The following ZNF599 variants were observed in gnomAD, a reference collection of about 807,000 sequenced individuals.
ZNF599 encodes the protein zinc finger protein 599.
ZNF599 carries 10 observed loss-of-function variants against 11.7 expected under a neutral mutation model. That is an observed-to-expected ratio of 0.86 (90% CI 0.53 to 1.45). ZNF599 has a LOEUF of 1.45. ZNF599 is among the 40% of genes most tolerant of loss of function. The pLI, the probability that ZNF599 is intolerant of heterozygous loss-of-function variation, is 0.00. For missense variants in ZNF599, 688 were observed against 713.6 expected, an observed-to-expected ratio of 0.96 and a Z score of 0.41; for synonymous variants, 232 against 253.2, an observed-to-expected ratio of 0.92 and a Z score of 0.79.
rs143329614 is a variant in ZNF599 at position 34,759,418 on chromosome 19, T to G, written c.1383A>C (p.Thr461=). ...YECSECGKAF[T]HHSVFIRHNR... ...TATGTCGAATAAAAACAGAGTGGTG[T>G]GTAAAAGCCTTTCCACATTCACTGC... The change falls in exon 4 of 4, where the codon ACA becomes ACC. Residue 461 remains threonine, a synonymous_variant. Coordinates refer to ENST00000329285, the MANE Select transcript of ZNF599 (RefSeq NM_001007248.3). 5.5e-4 allele frequency: 888 copies of G among 1,614,080 alleles called. 1 individual carries two copies. Among genetic ancestry groups the G allele is most frequent in the Admixed American group, 7.8e-4 (47 of 60,016 alleles).
rs1278024798 is a variant in ZNF599 at position 34,767,219 on chromosome 19, G to A, written c.241+97C>T. On this transcript the variant is annotated intron_variant, in intron 3 of 3. Coordinates refer to ENST00000329285, the MANE Select transcript of ZNF599 (RefSeq NM_001007248.3). Reference sequence around the variant, plus strand: ...GGTCAAGGGCTCCATGACTGCTCAAGACCACAAAATAGCTGCCCATGGCAT... The same window carrying A: ...GGTCAAGGGCTCCATGACTGCTCAAAACCACAAAATAGCTGCCCATGGCAT... 1.7e-5 allele frequency: 16 copies of A among 917,410 alleles called. No homozygotes were observed. In the East Asian group the frequency reaches 4.1e-4, roughly 23 times the overall value. The allele number at this position is 917,410 out of a possible 1,614,324, so 56.8% of individuals were successfully genotyped here. A position where few individuals can be genotyped will look rare whatever the true frequency, so the allele number is the denominator to read the frequency against.
At chr19:34,769,589 G>A (rs979325615) in intron 1 of ZNF599, 34 bp from the exon 2 acceptor site, 1 of 1,600,406 alleles carries the variant, frequency 6.2e-7, no homozygotes, top group Non-Finnish European at 8.5e-7. Context: ...AGGTGGCTGT[G>A]GAGCTATTAG....
At chr19:34,802,463 T>A in the ZNF599 span, among the ~76,000 whole-genome samples, 1 of 152,172 alleles carries the variant, frequency 6.6e-6, no homozygotes, top group African/African-American at 2.4e-5. Flanking sequence ...AAAGAGTGGC[T>A]CACGTTCAGA....
intron 3 of ZNF599, among the ~76,000 whole-genome samples, chr19:34,761,970 A>G (rs2069116230): frequency 6.6e-6 from 1 of 152,222 alleles, no homozygotes; most frequent in African/African-American, 2.4e-5. Flanking sequence ...ACATAACATT[A>G]GTATCAGATA....
chr19:34,801,392 T>G, the ZNF599 span, among the ~76,000 whole-genome samples: 2 of 152,260 alleles, frequency 1.3e-5, no homozygotes, highest in Non-Finnish European at 2.9e-5. Flanking sequence ...GAATTTCCCA[T>G]GTTCCCTGCA....
intron 1 of ZNF599, chr19:34,772,553 A>G (rs1031391686): frequency 7.4e-7 from 1 of 1,344,134 alleles, no homozygotes; most frequent in African/African-American, 1.5e-5. Context: ...CGCATTTTAG[A>G]CCCGAGGGAA....
the ZNF599 span, among the ~76,000 whole-genome samples, chr19:34,785,494 G>A: frequency 6.6e-6 from 1 of 152,162 alleles, no homozygotes; most frequent in African/African-American, 2.4e-5. Flanking sequence ...CCTCACTCAG[G>A]CATTCCAGGG....
In ZNF599 at chr19:34,769,531, C is replaced by A. The variant is rs148823885; in HGVS notation, c.43G>T (p.Val15Phe). The A allele has an allele frequency of 1.2e-4, 194 of 1,613,978 alleles. No individual in the cohort carries two copies. Among genetic ancestry groups the A allele is most frequent in the Non-Finnish European group, 1.5e-4 (177 of 1,179,964 alleles). ...CATTCCTCTCCAGTGAAGGTCACAA[C>A]CACGTCTTCAAATGATACTAATGCC... is the stretch of plus-strand genomic sequence containing the variant. ...ALALVSFEDV[V>F]VTFTGEEWGH... The change falls in exon 2 of 4, where the codon GTT becomes TTT. Residue 15 changes from valine (V) to phenylalanine (F), a missense_variant. Coordinates refer to ENST00000329285, the MANE Select transcript of ZNF599 (RefSeq NM_001007248.3).
At chr19:34,774,405 C>G (rs2064640829), upstream of ZNF599, among the ~76,000 whole-genome samples, 1 of 152,194 alleles carries the variant, frequency 6.6e-6, no homozygotes, top group South Asian at 2.1e-4. Context: ...TTCAGCCCAC[C>G]ACCCAAACCT....
intron 3 of ZNF599, among the ~76,000 whole-genome samples, chr19:34,762,193 T>C (rs1056123044): frequency 3.9e-5 from 6 of 152,232 alleles, no homozygotes; most frequent in African/African-American, 9.6e-5. Context: ...TATTATGCAC[T>C]GATATTTCAC....
upstream of ZNF599, among the ~76,000 whole-genome samples, chr19:34,777,429 ATAATATATGATATAT>A (rs2069225037): frequency 1.0e-5 from 1 of 96,372 alleles, no homozygotes; most frequent in Non-Finnish European, 1.9e-5. Flanking sequence ...TAATTAATAT[ATAATATATGATATAT>A]ATTAATTAAT....
intron 3 of ZNF599, among the ~76,000 whole-genome samples, chr19:34,766,339 G>C (rs1228736062): frequency 6.6e-6 from 1 of 152,136 alleles, no homozygotes; most frequent in Non-Finnish European, 1.5e-5. Flanking sequence ...ACAGGGCTAG[G>C]GAGTGCTTCT....
the ZNF599 span, among the ~76,000 whole-genome samples, chr19:34,796,041 G>A: frequency 1.3e-5 from 2 of 151,690 alleles, no homozygotes; most frequent in African/African-American, 2.4e-5. Flanking sequence ...GGCTGGTCTC[G>A]AACTCCCGAC....
chr19:34,787,709 A>G, the ZNF599 span, among the ~76,000 whole-genome samples: 1 of 152,224 alleles, frequency 6.6e-6, no homozygotes. Context: ...ATGTTTACTG[A>G]CAGAATTATC....
the ZNF599 span, among the ~76,000 whole-genome samples, chr19:34,805,345 G>A: frequency 1.3e-5 from 2 of 151,864 alleles, no homozygotes; most frequent in African/African-American, 4.8e-5. Flanking sequence ...CTACAGGCAC[G>A]TGCCACCACG....
rs889640246 is a variant in ZNF599, at chr19:34,773,159, T to C, written c.-318A>G. ...GGCCCCTGTCTGGCGTTCTACCCAG[T>C]GTAGCGTTGGCAACCACAGCAGCCG... On this transcript the variant is annotated 5_prime_UTR_variant, in exon 1 of 4. Coordinates refer to ENST00000329285, the MANE Select transcript of ZNF599 (RefSeq NM_001007248.3). 5.6e-6 allele frequency: 2 copies of C among 356,460 alleles called. No homozygotes were observed. The highest frequency in any genetic ancestry group is 1.0e-5 in the Non-Finnish European group (2 of 198,532). The allele number at this position is 356,460 out of a possible 1,614,324, so 22.1% of individuals were successfully genotyped here. A position where few individuals can be genotyped will look rare whatever the true frequency, so the allele number is the denominator to read the frequency against.
At chr19:34,770,849 C>T (rs776010105) in intron 1 of ZNF599, among the ~76,000 whole-genome samples, 7 of 152,144 alleles carry the variant, frequency 4.6e-5, no homozygotes, top group Non-Finnish European at 8.8e-5. Flanking sequence ...TTCCCTTTGC[C>T]GGGAAGGTTC....
the ZNF599 span, among the ~76,000 whole-genome samples, chr19:34,781,241 A>G: frequency 4.8e-4 from 73 of 152,008 alleles, no homozygotes; most frequent in Non-Finnish European, 8.8e-4. Flanking sequence ...AAATAAAGAG[A>G]AAGAAAGAAA....
At chr19:34,806,391 G>A in the ZNF599 span, among the ~76,000 whole-genome samples, 2 of 109,188 alleles carry the variant, frequency 1.8e-5, no homozygotes, top group African/African-American at 3.3e-5. Flanking sequence ...CAGCTTTTGG[G>A]AAACTTTAAA....
Sources: gnomAD v4.1 joint callset for allele counts (sites outside exome capture counted in the v4.1 genomes callset) on GRCh38, gnomAD v4.1.1 for gene constraint, MANE v1.5 for transcripts, NCBI Gene and HGNC (gene_info 2026-07-23, HGNC 2026-07-21) for gene names.